TAFA1: variants seen among roughly 807,000 people sequenced by gnomAD.
The protein encoded by TAFA1 is chemokine-like protein TAFA-1.
TAFA1 carries 4 observed loss-of-function variants against 18.5 expected under a neutral mutation model. The ratio of observed to expected loss-of-function variants is 0.22; its 90% CI spans 0.11 to 0.49. The LOEUF (loss-of-function observed/expected upper bound fraction) is 0.49, where lower values mean the gene tolerates loss of function less well. TAFA1 is among the 20% of genes least tolerant of loss of function. The pLI, the probability that TAFA1 is intolerant of heterozygous loss-of-function variation, is 0.98. For missense variants in TAFA1, 147 were observed against 169.0 expected (o/e 0.87, Z 0.72); for synonymous variants, 56 against 55.2 (o/e 1.01, Z -0.06).
intron 2 of TAFA1, among the ~76,000 whole-genome samples, chr3:68,392,949 A>G (rs917494622): frequency 8.5e-5 from 13 of 152,232 alleles, no homozygotes; most frequent in African/African-American, 2.9e-4. Flanking sequence ...TAAAAGAACT[A>G]GAGAAGCAAG....
chr3:68,486,030 C>CA (rs2072330171), intron 3 of TAFA1, among the ~76,000 whole-genome samples: 1 of 152,034 alleles, frequency 6.6e-6, no homozygotes, highest in Non-Finnish European at 1.5e-5. Context: ...TGGGCTCAAG[C>CA]AGCTCCTGAG....
At chr3:68,070,780 C>T (rs1311703154) in intron 2 of TAFA1, among the ~76,000 whole-genome samples, 1 of 152,148 alleles carries the variant, frequency 6.6e-6, no homozygotes, top group African/African-American at 2.4e-5. Flanking sequence ...TTCAAAGTTC[C>T]ACAAATCTCT....
intron 2 of TAFA1, among the ~76,000 whole-genome samples, chr3:68,238,469 T>A (rs1205976567): frequency 6.6e-6 from 1 of 152,228 alleles, no homozygotes; most frequent in Non-Finnish European, 1.5e-5. Flanking sequence ...TTCCTTCAGC[T>A]AAATTGTGCA....
chr3:68,457,615 T>C (rs913835448), intron 3 of TAFA1, among the ~76,000 whole-genome samples: 5 of 152,230 alleles, frequency 3.3e-5, no homozygotes, highest in African/African-American at 1.2e-4. Context: ...AGCTAATATA[T>C]GCATTACCTC....
intron 3 of TAFA1, among the ~76,000 whole-genome samples, chr3:68,481,794 A>G (rs2072241836): frequency 1.3e-5 from 2 of 152,280 alleles, no homozygotes; most frequent in South Asian, 4.1e-4. Context: ...ACTGATTCAG[A>G]GAGAGCATTT....
intron 2 of TAFA1, among the ~76,000 whole-genome samples, chr3:68,078,639 C>T (rs962276096): frequency 2.0e-5 from 3 of 152,088 alleles, no homozygotes; most frequent in Non-Finnish European, 2.9e-5. Context: ...ATTGAACCAG[C>T]CTTGCATCCC....
chr3:68,377,005 C>T (rs549519873), intron 2 of TAFA1, among the ~76,000 whole-genome samples: 1 of 152,290 alleles, frequency 6.6e-6, no homozygotes, highest in South Asian at 2.1e-4. Context: ...TCCTCTTTGC[C>T]TTCCACCATG....
intron 2 of TAFA1, among the ~76,000 whole-genome samples, chr3:68,178,928 C>T (rs923989737): frequency 6.6e-6 from 1 of 152,150 alleles, no homozygotes. Context: ...CCTTATGGAT[C>T]AAAGGGGAAA....
At chr3:68,178,890 A>G (rs1245513893) in intron 2 of TAFA1, among the ~76,000 whole-genome samples, 3 of 152,222 alleles carry the variant, frequency 2.0e-5, no homozygotes, top group African/African-American at 7.2e-5. Flanking sequence ...AATGGCTTGA[A>G]GAAAGTCAGT....
At chr3:68,290,401 C>T (rs1249214249) in intron 2 of TAFA1, among the ~76,000 whole-genome samples, 1 of 152,096 alleles carries the variant, frequency 6.6e-6, no homozygotes, top group Non-Finnish European at 1.5e-5. Flanking sequence ...CTGTCTATTT[C>T]TGTAATTTTA....
At chr3:68,377,416 T>C (rs2069840056) in intron 2 of TAFA1, among the ~76,000 whole-genome samples, 1 of 152,198 alleles carries the variant, frequency 6.6e-6, no homozygotes, top group South Asian at 2.1e-4. Flanking sequence ...TACTATGCTT[T>C]AGCAAAAAGA....
At chr3:68,084,016 C>T (rs1379706702) in intron 2 of TAFA1, among the ~76,000 whole-genome samples, 1 of 152,184 alleles carries the variant, frequency 6.6e-6, no homozygotes, top group African/African-American at 2.4e-5. Context: ...AATGGCTCAG[C>T]TCATTCCTCT....
chr3:68,192,835 G>A (rs2066359623), intron 2 of TAFA1, among the ~76,000 whole-genome samples: 1 of 151,760 alleles, frequency 6.6e-6, no homozygotes, highest in African/African-American at 2.4e-5. Flanking sequence ...GGGTGTGATG[G>A]ATCAGCTGAG....
chr3:68,410,549 A>C (rs2070695159), intron 2 of TAFA1, among the ~76,000 whole-genome samples: 1 of 152,000 alleles, frequency 6.6e-6, no homozygotes, highest in Non-Finnish European at 1.5e-5. Context: ...AACAGAAACA[A>C]TAATCTGGAA....
intron 2 of TAFA1, among the ~76,000 whole-genome samples, chr3:68,127,131 A>G (rs2065473296): frequency 6.6e-6 from 1 of 152,196 alleles, no homozygotes; most frequent in Non-Finnish European, 1.5e-5. Flanking sequence ...CTCAATCAGA[A>G]CACAAGCAAA....
At chr3:68,208,427 T>G (rs2066553055) in intron 2 of TAFA1, among the ~76,000 whole-genome samples, 1 of 152,008 alleles carries the variant, frequency 6.6e-6, no homozygotes. Flanking sequence ...TTTCTGTGTA[T>G]GTAGGGTCCC....
chr3:68,074,739 C>T (rs1396303605), intron 2 of TAFA1, among the ~76,000 whole-genome samples: 2 of 152,144 alleles, frequency 1.3e-5, no homozygotes, highest in Non-Finnish European at 2.9e-5. Flanking sequence ...GTCTATCTGA[C>T]TCTTGAGCTT....
chr3:68,505,434 A>G (rs2106716916), intron 3 of TAFA1, among the ~76,000 whole-genome samples: 1 of 152,276 alleles, frequency 6.6e-6, no homozygotes, highest in South Asian at 2.1e-4. Flanking sequence ...ATTTCTGCAA[A>G]CCACATTACA....
chr3:68,389,020 T>G (rs773532176), intron 2 of TAFA1, among the ~76,000 whole-genome samples: 6 of 152,216 alleles, frequency 3.9e-5, no homozygotes, highest in Non-Finnish European at 7.3e-5. Flanking sequence ...GGGTTAAAGG[T>G]CACATTACTA....
Sources: allele counts gnomAD v4.1 joint callset (sites outside exome capture counted in the v4.1 genomes callset), GRCh38; gene constraint gnomAD v4.1.1; transcripts MANE v1.5; gene names NCBI Gene and HGNC (gene_info 2026-07-23, HGNC 2026-07-21).